NLGN1: variants seen among roughly 807,000 people sequenced by gnomAD.
The protein encoded by NLGN1 is neuroligin 1.
In NLGN1, 12 loss-of-function variants were observed where a neutral mutation model predicts 65.5. The ratio of observed to expected loss-of-function variants is 0.18; its 90% CI spans 0.12 to 0.30. The LOEUF is 0.30. Ranked by LOEUF, NLGN1 falls within the 10% of genes least tolerant of loss-of-function variation. The pLI is 1.00. For missense variants in NLGN1, 750 were observed against 1,007.1 expected (o/e 0.74, Z 3.46); for synonymous variants, 350 against 359.5 (o/e 0.97, Z 0.30).
intron 4 of NLGN1, among the ~76,000 whole-genome samples, chr3:173,809,000 T>C (rs1717296326): frequency 6.6e-6 from 1 of 152,168 alleles, no homozygotes; most frequent in South Asian, 2.1e-4. Context: ...GTTTATAGTC[T>C]GGGGGAAGGA....
At chr3:173,891,925 C>T (rs1050920310) in intron 4 of NLGN1, among the ~76,000 whole-genome samples, 1 of 148,512 alleles carries the variant, frequency 6.7e-6, no homozygotes, top group Non-Finnish European at 1.5e-5. Context: ...AATGAATATG[C>T]AAGAAAGTGC....
At chr3:173,687,988 G>A (rs1354332084) in intron 3 of NLGN1, among the ~76,000 whole-genome samples, 1 of 152,226 alleles carries the variant, frequency 6.6e-6, no homozygotes, top group African/African-American at 2.4e-5. Flanking sequence ...AGAATGGTCA[G>A]AAGGTAATAA....
At chr3:173,968,430 ATATC>A (rs1438762901) in intron 4 of NLGN1, among the ~76,000 whole-genome samples, 7 of 152,234 alleles carry the variant, frequency 4.6e-5, no homozygotes, top group South Asian at 2.1e-4. Flanking sequence ...TTCTATATCT[ATATC>A]TATCCCTCAA....
chr3:173,879,100 G>A lies in NLGN1; in HGVS notation c.646+71268G>A, dbSNP rs115134620. Among the ~76,000 whole-genome samples, 309 of 152,132 alleles carry A rather than the reference G, an allele frequency of 2.0e-3. 1 individual carries two copies. The highest frequency in any genetic ancestry group is 4.2e-3 in the South Asian group (20 of 4,812). The stretch of plus-strand genomic sequence containing the variant: ...ATACAAAAGTTAGCTGGGCATGGTG[G>A]CACATGTCTGTAGTCCCTGAGTACA... On this transcript the variant is annotated intron_variant, in intron 4 of 6. Transcript: ENST00000457714.
intron 4 of NLGN1, among the ~76,000 whole-genome samples, chr3:173,937,177 C>CACTGG (rs1745219122): frequency 6.6e-6 from 1 of 152,056 alleles, no homozygotes; most frequent in Non-Finnish European, 1.5e-5. Flanking sequence ...AATTAGGATT[C>CACTGG]ACTGGCTCTG....
intron 2 of NLGN1, among the ~76,000 whole-genome samples, chr3:173,472,378 T>C (rs967579469): frequency 8.5e-5 from 13 of 152,118 alleles, no homozygotes; most frequent in Admixed American, 4.6e-4. Flanking sequence ...TGTTTTACCT[T>C]CCAAAATCTT....
At chr3:174,290,214 T>A (rs1752609545), downstream of NLGN1, among the ~76,000 whole-genome samples, 1 of 150,824 alleles carries the variant, frequency 6.6e-6, no homozygotes, top group African/African-American at 2.4e-5. Context: ...GCAAAGACTT[T>A]GTCTACCGTA....
chr3:173,547,945 T>G, intron 2 of NLGN1, among the ~76,000 whole-genome samples: 1 of 152,104 alleles, frequency 6.6e-6, no homozygotes, highest in East Asian at 1.9e-4. Flanking sequence ...GTTTTAATTT[T>G]TTTTTTCCTC....
chr3:173,584,753 C>T (rs992280353), intron 2 of NLGN1: 2 of 142,746 alleles, frequency 1.4e-5, no homozygotes, highest in African/African-American at 2.7e-5. Flanking sequence ...TCAATCGACA[C>T]GTTTTAGAAG....
intron 2 of NLGN1, among the ~76,000 whole-genome samples, chr3:173,529,992 C>T (rs939590242): frequency 2.1e-5 from 3 of 146,150 alleles, no homozygotes; most frequent in Non-Finnish European, 2.9e-5. Flanking sequence ...GAGTCTTACT[C>T]TGTCACCCAG....
upstream of NLGN1, chr3:173,396,380 A>C (rs967172215): frequency 1.3e-5 from 2 of 152,114 alleles, no homozygotes; most frequent in Admixed American, 1.3e-4. Context: ...CCTCCCGTTT[A>C]CAGAAGCATC....
chr3:173,446,984 G>A (rs1452634327), intron 2 of NLGN1, among the ~76,000 whole-genome samples: 2 of 152,038 alleles, frequency 1.3e-5, no homozygotes, highest in Non-Finnish European at 2.9e-5. Flanking sequence ...AGATGAGTAG[G>A]TTGCAAAAAT....
intron 4 of NLGN1, among the ~76,000 whole-genome samples, chr3:174,157,841 T>G (rs976397879): frequency 6.6e-6 from 1 of 151,800 alleles, no homozygotes; most frequent in Admixed American, 6.6e-5. Context: ...GCATCATAAG[T>G]GTATATAAGA....
intron 2 of NLGN1, among the ~76,000 whole-genome samples, chr3:173,477,530 C>T (rs538516785): frequency 2.4e-4 from 36 of 151,960 alleles, no homozygotes; most frequent in Admixed American, 4.6e-4. Context: ...CACGAAAGAG[C>T]AAGAGCCTGT....
intron 4 of NLGN1, among the ~76,000 whole-genome samples, chr3:174,027,637 G>A (rs1199216955): frequency 2.0e-5 from 3 of 152,064 alleles, no homozygotes; most frequent in Non-Finnish European, 4.4e-5. Flanking sequence ...ATAAGACAGA[G>A]ACACATCAGT....
chr3:173,833,865 A>ATTATATAGTT (rs1001732197), intron 4 of NLGN1, among the ~76,000 whole-genome samples: 1 of 152,192 alleles, frequency 6.6e-6, no homozygotes, highest in East Asian at 1.9e-4. Context: ...ATAGTCAAAT[A>ATTATATAGTT]TACATTTTTT....
At chr3:173,450,059 T>A (rs892167181) in intron 2 of NLGN1, among the ~76,000 whole-genome samples, 3 of 152,240 alleles carry the variant, frequency 2.0e-5, no homozygotes, top group African/African-American at 7.2e-5. Flanking sequence ...TTAGGCCATT[T>A]ACTTTTAAGG....
At chr3:173,582,091 A>G (rs539424347) in intron 2 of NLGN1, among the ~76,000 whole-genome samples, 1 of 152,206 alleles carries the variant, frequency 6.6e-6, no homozygotes, top group East Asian at 1.9e-4. Flanking sequence ...AATTTTATAT[A>G]CAAATATCAT....
At chr3:173,941,369 C>T (rs148178094) in intron 4 of NLGN1, among the ~76,000 whole-genome samples, 1 of 152,030 alleles carries the variant, frequency 6.6e-6, no homozygotes, top group East Asian at 1.9e-4. Flanking sequence ...CTGATGGCAC[C>T]CTTTGTCTTA....
Sources: allele counts gnomAD v4.1 joint callset (sites outside exome capture counted in the v4.1 genomes callset), GRCh38; gene constraint gnomAD v4.1.1; transcripts MANE v1.5; gene names NCBI Gene and HGNC (gene_info 2026-07-23, HGNC 2026-07-21).